Variants in SLC35D1 observed in about 807,000 individuals in gnomAD.
The protein encoded by SLC35D1 is nucleotide sugar transporter SLC35D1.
In SLC35D1, 31 loss-of-function variants were observed where a neutral mutation model predicts 46.7. The ratio of observed to expected loss-of-function variants is 0.66; its 90% CI spans 0.50 to 0.90. The LOEUF is 0.90. Ranked by LOEUF, SLC35D1 falls within the 40% of genes least tolerant of loss-of-function variation. The pLI is 0.00. For missense variants in SLC35D1, 397 were observed against 426.2 expected (o/e 0.93, Z 0.60); for synonymous variants, 195 against 164.6 (o/e 1.18, Z -1.41).
At chr1:67,035,511 T>C (rs1198348314) in intron 8 of SLC35D1, among the ~76,000 whole-genome samples, 1 of 152,182 alleles carries the variant, frequency 6.6e-6, no homozygotes, top group Non-Finnish European at 1.5e-5. Context: ...TAATGATCTT[T>C]TGAATTTCTG....
chr1:67,020,499 C>G lies in SLC35D1; in HGVS notation c.798-52G>C, dbSNP rs746241766. 4 of 1,294,908 alleles carry G rather than the reference C, an allele frequency of 3.1e-6. No homozygotes were observed. The South Asian group carries it at 4.7e-5, about 15-fold the overall frequency. The allele number at this position is 1,294,908 out of a possible 1,614,324, so 80.2% of individuals were successfully genotyped here. On this transcript the variant is annotated intron_variant, in intron 9 of 11. Coordinates refer to ENST00000235345, the MANE Select transcript of SLC35D1 (RefSeq NM_015139.3). ...CCAGTTTCTCACTTTATACTAATCT[C>G]TAGCCAAGATAAACAATCAGTGTTG...
At chr1:66,977,202 C>T in the SLC35D1 span, among the ~76,000 whole-genome samples, 563 of 152,052 alleles carry the variant, frequency 3.7e-3, 3 homozygotes, top group African/African-American at 0.013. Flanking sequence ...CTCCGTCTCC[C>T]GGCTTCAAGC....
At chr1:67,053,293 T>A (rs1460107600) in intron 1 of SLC35D1, among the ~76,000 whole-genome samples, 15 of 146,986 alleles carry the variant, frequency 1.0e-4, no homozygotes, top group African/African-American at 1.5e-4. Flanking sequence ...TCACACACCT[T>A]AAAAAAAAAA....
chr1:66,973,099 A>C, the SLC35D1 span: 1 of 610,836 alleles, frequency 1.6e-6, no homozygotes, highest in Non-Finnish European at 2.9e-6. Context: ...TTCATAATTA[A>C]TATGACAATA....
chr1:66,973,830 G>A, the SLC35D1 span, among the ~76,000 whole-genome samples: 1 of 152,020 alleles, frequency 6.6e-6, no homozygotes, highest in African/African-American at 2.4e-5. Flanking sequence ...CAAGGGTATT[G>A]GTTTATGTAA....
At chr1:66,973,779 A>G in the SLC35D1 span, among the ~76,000 whole-genome samples, 2 of 152,140 alleles carry the variant, frequency 1.3e-5, no homozygotes, top group Non-Finnish European at 2.9e-5. Flanking sequence ...ATTAATTCCC[A>G]GGCTTATGAT....
intron 10 of SLC35D1, among the ~76,000 whole-genome samples, chr1:67,012,423 C>T (rs1390142965): frequency 6.6e-6 from 1 of 151,640 alleles, no homozygotes; most frequent in Non-Finnish European, 1.5e-5. Flanking sequence ...CATTTCTAAA[C>T]CTAAAAAATT....
intron 8 of SLC35D1, chr1:67,032,084 T>G (rs1668027893): frequency 1.0e-6 from 1 of 985,292 alleles, no homozygotes; most frequent in Admixed American, 6.1e-5. Flanking sequence ...CCTGGAATCT[T>G]CGGTCTTGGC....
At chr1:67,009,698 T>TCGG (rs3048471) in intron 10 of SLC35D1, among the ~76,000 whole-genome samples, 117,502 of 151,760 alleles carry the variant, frequency 0.77, 45,758 homozygotes, top group East Asian at 0.88. Flanking sequence ...TTGGCGAGGT[T>TCGG]GAGAAAAAGG....
At chr1:66,991,758 T>C in the SLC35D1 span, among the ~76,000 whole-genome samples, 2 of 146,712 alleles carry the variant, frequency 1.4e-5, no homozygotes, top group African/African-American at 5.5e-5. Flanking sequence ...TAAAATATTA[T>C]TTTATTCAGA....
At chr1:66,983,777 G>C in the SLC35D1 span, among the ~76,000 whole-genome samples, 9 of 152,106 alleles carry the variant, frequency 5.9e-5, no homozygotes, top group Non-Finnish European at 1.0e-4. Flanking sequence ...GCCCAGGCTG[G>C]AATGCAGTGG....
At chr1:67,042,485 A>G (rs535222130) in intron 7 of SLC35D1, among the ~76,000 whole-genome samples, 157 bp from the exon 8 acceptor site, 1 of 152,382 alleles carries the variant, frequency 6.6e-6, no homozygotes, top group East Asian at 1.9e-4. Context: ...TTTTGCAAAC[A>G]TTAAGAAATA....
At chr1:66,993,947 T>C in the SLC35D1 span, among the ~76,000 whole-genome samples, 1 of 152,218 alleles carries the variant, frequency 6.6e-6, no homozygotes, top group East Asian at 1.9e-4. Flanking sequence ...CGGAAAGCAT[T>C]GAGGTTAGGT....
At chr1:67,035,084 G>C (rs940390190) in intron 8 of SLC35D1, among the ~76,000 whole-genome samples, 1 of 151,982 alleles carries the variant, frequency 6.6e-6, no homozygotes, top group East Asian at 1.9e-4. Context: ...TTTTTGTTGA[G>C]GATTTCTCCA....
At chr1:67,015,697 C>T (rs191138692) in intron 10 of SLC35D1, among the ~76,000 whole-genome samples, 210 of 152,136 alleles carry the variant, frequency 1.4e-3, no homozygotes, top group African/African-American at 5.0e-3. Context: ...GCAGTTTTCT[C>T]TTTCAAACAA....
rs771904355 is a variant in SLC35D1, at chr1:67,052,035, T to C, written c.369A>G (p.Gly123=). The C allele has an allele frequency of 6.8e-6, 11 of 1,610,354 alleles. No homozygotes were observed. In the South Asian group the frequency reaches 1.2e-4, roughly 18 times the overall value. Residue 123 remains glycine, a synonymous_variant, in exon 4 of 12, where the codon GGA becomes GGG. Transcript: ENST00000235345. The stretch of plus-strand genomic sequence containing the variant: ...ACTTCAGTTTCTTTGTGCTGAACAG[T>C]CCCGTGATTTGGTTCCCAAAATATA... The part of the protein sequence containing the change: ...PLLYFGNQIT[G]LFSTKKLNLP...
chr1:67,040,193 T>C (rs1040575247), intron 8 of SLC35D1, among the ~76,000 whole-genome samples: 1 of 152,036 alleles, frequency 6.6e-6, no homozygotes, highest in Non-Finnish European at 1.5e-5. Context: ...GATGGAGTTT[T>C]GCCATGTTGC....
the SLC35D1 span, chr1:66,981,808 G>A: frequency 3.1e-6 from 5 of 1,613,682 alleles, no homozygotes; most frequent in Non-Finnish European, 3.4e-6. Flanking sequence ...CTAGACGAAA[G>A]TGAAAGTGCT....
At chr1:67,039,493 TTGTG>T (rs71801070) in intron 8 of SLC35D1, among the ~76,000 whole-genome samples, 263 of 148,764 alleles carry the variant, frequency 1.8e-3, no homozygotes, top group South Asian at 4.8e-3. Context: ...AGTGAAAAAA[TTGTG>T]TGTGTGTGTG....
Sources: allele counts gnomAD v4.1 joint callset (sites outside exome capture counted in the v4.1 genomes callset), GRCh38; gene constraint gnomAD v4.1.1; transcripts MANE v1.5; gene names NCBI Gene and HGNC (gene_info 2026-07-23, HGNC 2026-07-21).